The following DGKD variants were observed in gnomAD, a reference collection of about 807,000 sequenced individuals.
DGKD encodes diacylglycerol kinase delta, also known as DAG kinase delta.
In DGKD, 68 loss-of-function variants were observed where a neutral mutation model predicts 154.4. The observed-to-expected ratio is 0.44, with a 90% confidence interval of 0.36 to 0.54. The LOEUF is 0.54. DGKD is among the 20% of genes least tolerant of loss of function. The probability of loss-of-function intolerance (pLI) is 0.00; values close to 1 mark genes in which losing one functional copy is unlikely to be tolerated. For missense variants in DGKD, 1,343 were observed against 1,593.6 expected (o/e 0.84, Z 2.68); for synonymous variants, 693 against 638.0 (o/e 1.09, Z -1.30).
Position 233,449,342 on chromosome 2 carries a change from A to G in DGKD, c.1854A>G (p.Lys618=), listed in dbSNP as rs1452139314. 6.2e-7 allele frequency: 1 copy of G among 1,607,372 alleles called. No homozygotes were observed. Among genetic ancestry groups the G allele is most frequent in the Non-Finnish European group, 8.5e-7 (1 of 1,174,340 alleles). ...TGCTGAGAGCCAACAGCCTGAAGAA[A>G]GCAATTCGTCAGATCATAGAACACA... The part of the protein sequence containing the change: ...QLMLRANSLK[K]AIRQIIEHTE... The change falls in exon 15 of 30, where the codon AAA becomes AAG. Residue 618 remains lysine (K), a synonymous_variant. Coordinates refer to ENST00000264057, the MANE Select transcript of DGKD (RefSeq NM_152879.3). This position sits in a 1 kb window ranked among gnomAD's most constrained non-coding sequence, Gnocchi z 5.3.
intron 10 of DGKD, 52 bp downstream of exon 10, chr2:233,442,047 G>C: frequency 6.7e-7 from 1 of 1,483,244 alleles, no homozygotes; most frequent in Non-Finnish European, 9.4e-7. Context: ...GCGGAGGTTA[G>C]AGGGAAATCA....
At chr2:233,464,628 CA>C (rs1440977764) in intron 27 of DGKD, among the ~76,000 whole-genome samples, 7 of 152,224 alleles carry the variant, frequency 4.6e-5, no homozygotes, top group Non-Finnish European at 1.0e-4. Flanking sequence ...GGATAAATGG[CA>C]GCCTTTTGGG....
intron 1 of DGKD, among the ~76,000 whole-genome samples, chr2:233,379,426 T>G (rs1346960679): frequency 6.6e-6 from 1 of 152,134 alleles, no homozygotes; most frequent in Admixed American, 6.5e-5. Flanking sequence ...GTGGGCCACG[T>G]GAAGCCTTCC....
intron 27 of DGKD, among the ~76,000 whole-genome samples, 171 bp downstream of exon 27, chr2:233,464,454 G>A (rs1402201245): frequency 6.6e-6 from 1 of 152,236 alleles, no homozygotes; most frequent in Non-Finnish European, 1.5e-5. Flanking sequence ...AAGGCAGGGA[G>A]GGACAGCAGG....
chr2:233,456,957 A>G lies in DGKD; in HGVS notation c.2434A>G (p.Arg812Gly), dbSNP rs763534548. Residue 812 changes from arginine (R) to glycine (G), a missense_variant, in exon 20 of 30, where the codon AGA becomes GGA. Coordinates refer to ENST00000264057, the MANE Select transcript of DGKD (RefSeq NM_152879.3). The part of the protein sequence containing the change: ...GVLGTKELLH[R>G]TYKNLEQKVL... ...TCTTGGAACCAAAGAGTTGCTGCAC[A>G]GAACCTACAAGAACCTGGAGCAAAA... The G allele has an allele frequency of 2.5e-6, 4 of 1,614,244 alleles. No homozygotes were observed. The highest frequency in any genetic ancestry group is 2.2e-5 in the South Asian group (2 of 91,086).
At chr2:233,371,007 C>T (rs1702294743) in intron 1 of DGKD, among the ~76,000 whole-genome samples, 1 of 142,658 alleles carries the variant, frequency 7.0e-6, no homozygotes, top group African/African-American at 2.8e-5. Context: ...TTGCCTTGGC[C>T]TCCCAGAGTG....
intron 3 of DGKD, among the ~76,000 whole-genome samples, chr2:233,396,115 G>T (rs1346183702): frequency 2.0e-5 from 3 of 152,124 alleles, no homozygotes; most frequent in Non-Finnish European, 4.4e-5. Context: ...TCCCAATGTT[G>T]GTGTTGCAGG....
At chr2:233,430,741 T>A (rs1199099129) in intron 3 of DGKD, among the ~76,000 whole-genome samples, 5 of 152,182 alleles carry the variant, frequency 3.3e-5, no homozygotes, top group Admixed American at 3.3e-4. Flanking sequence ...CACTATCAAT[T>A]TTTTCTCTAA....
chr2:233,434,326 C>T lies in DGKD; in HGVS notation c.349-54C>T, dbSNP rs371795469. The stretch of plus-strand genomic sequence containing the variant: ...GTCGGTTTTAAGAAAGCGTTCATAG[C>T]TATCAGCACTTGCCTTTTGTTCATG... On this transcript the variant is annotated intron_variant, in intron 3 of 29. Coordinates refer to ENST00000264057, the MANE Select transcript of DGKD (RefSeq NM_152879.3). 5.7e-6 allele frequency: 8 copies of T among 1,394,242 alleles called. No individual in the cohort carries two copies. In the South Asian group the frequency reaches 9.4e-5, roughly 16 times the overall value. 86.4% of individuals were successfully genotyped at this position (1,394,242 alleles called of 1,614,324 possible). A position where few individuals can be genotyped will look rare whatever the true frequency, so the allele number is the denominator to read the frequency against.
intron 18 of DGKD, among the ~76,000 whole-genome samples, chr2:233,453,787 G>GGA (rs2063365855): frequency 6.6e-6 from 1 of 152,218 alleles, no homozygotes; most frequent in African/African-American, 2.4e-5. Context: ...AGCAGCTGGG[G>GGA]GAGCTGCAGG....
In DGKD at chr2:233,458,100, C is replaced by G. The variant is rs1221024052; in HGVS notation, c.2581-184C>G. The G allele has an allele frequency of 3.8e-6, 2 of 530,908 alleles. No individual in the cohort carries two copies. Among genetic ancestry groups the G allele is most frequent in the Non-Finnish European group, 3.4e-6 (1 of 294,452 alleles). The allele number at this position is 530,908 out of a possible 1,614,324, so 32.9% of individuals were successfully genotyped here. A position where few individuals can be genotyped will look rare whatever the true frequency, so the allele number is the denominator to read the frequency against. ...TTCAGTAACTTTGCCGAGATGAGAG[C>G]TGGGATTTGGTCCCAGGCAGCTGGT... On this transcript the variant is annotated intron_variant, in intron 21 of 29. Transcript: ENST00000264057. This position sits in a 1 kb window ranked among gnomAD's most constrained non-coding sequence, Gnocchi z 6.6.
chr2:233,366,783 T>C (rs1702048343), intron 1 of DGKD, among the ~76,000 whole-genome samples: 1 of 151,898 alleles, frequency 6.6e-6, no homozygotes, highest in African/African-American at 2.4e-5. Flanking sequence ...AGGGCCCGAT[T>C]GGATGCTGGG....
intron 3 of DGKD, among the ~76,000 whole-genome samples, chr2:233,408,583 G>A (rs1489017137): frequency 6.6e-6 from 1 of 152,188 alleles, no homozygotes; most frequent in Non-Finnish European, 1.5e-5. Context: ...AGGAGAACCT[G>A]ACTGCATGTC....
intron 26 of DGKD, chr2:233,463,955 T>A: frequency 1.7e-6 from 1 of 601,868 alleles, no homozygotes; most frequent in South Asian, 2.3e-5. Flanking sequence ...CGTTGACTGA[T>A]GGACAGTTTT....
At position 233,471,309 on chromosome 2, in the gene DGKD, T is replaced by G. The variant is rs1053899; in HGVS notation, c.*1849T>G. ...TGGAAGGTGGTTGTATGTTACCTTT[T>G]CCACCTCTCATTGTTTTCCCCAGAA... On this transcript the variant is annotated 3_prime_UTR_variant, in exon 30 of 30. Transcript: ENST00000264057. 6.6e-6 allele frequency: 1 copy of G among 152,426 alleles called. No individual in the cohort carries two copies. The highest frequency in any genetic ancestry group is 1.5e-5 in the Non-Finnish European group (1 of 68,058). 9.4% of individuals were successfully genotyped at this position (152,426 alleles called of 1,614,324 possible).
At chr2:233,467,861 G>A (rs963230418) in intron 28 of DGKD, among the ~76,000 whole-genome samples, 1 of 152,152 alleles carries the variant, frequency 6.6e-6, no homozygotes, top group Non-Finnish European at 1.5e-5. Context: ...CCAGAAATGG[G>A]GTTTCTGTTA....
At chr2:233,370,571 T>C (rs1408355571) in intron 1 of DGKD, among the ~76,000 whole-genome samples, 2 of 50,424 alleles carry the variant, frequency 4.0e-5, no homozygotes, top group African/African-American at 1.2e-4. Context: ...GAACTTCTTC[T>C]TTTTTTTTTT....
intron 3 of DGKD, among the ~76,000 whole-genome samples, chr2:233,423,744 T>C (rs1189765404): frequency 6.6e-6 from 1 of 152,088 alleles, no homozygotes; most frequent in Non-Finnish European, 1.5e-5. Context: ...GTTTCTGTCT[T>C]GTCTGACTGC....
chr2:233,460,465 C>A, intron 24 of DGKD, 120 bp downstream of exon 24: 1 of 1,299,958 alleles, frequency 7.7e-7, no homozygotes. Flanking sequence ...TCTGCATTAC[C>A]CATGAGGGCC....
Sources: gnomAD v4.1 joint callset for allele counts (sites outside exome capture counted in the v4.1 genomes callset) on GRCh38, gnomAD v4.1.1 for gene constraint, Gnocchi (gnomAD v3.1) non-coding constraint, MANE v1.5 for transcripts, NCBI Gene and HGNC (gene_info 2026-07-23, HGNC 2026-07-21) for gene names.